RNF10: variants seen among roughly 807,000 people sequenced by gnomAD.
RNF10 encodes the protein ring finger protein 10.
RNF10 carries 38 observed loss-of-function variants against 91.4 expected under a neutral mutation model. The observed-to-expected ratio is 0.42, with a 90% CI of 0.32 to 0.54. The LOEUF is 0.54. Ranked by LOEUF, RNF10 falls within the 20% of genes least tolerant of loss-of-function variation. RNF10 has a pLI of 0.16. For missense variants in RNF10, 945 were observed against 1,012.0 expected (o/e 0.93, Z 0.90); for synonymous variants, 364 against 366.3 (o/e 0.99, Z 0.07).
intron 7 of RNF10, among the ~76,000 whole-genome samples, chr12:120,561,248 A>G (rs1383803663): frequency 6.6e-6 from 1 of 152,194 alleles, no homozygotes; most frequent in South Asian, 2.1e-4. Context: ...TTAAGATTCT[A>G]TTCTAGAGGT....
chr12:120,553,509 A>G (rs1195064942), intron 3 of RNF10, among the ~76,000 whole-genome samples: 2 of 147,356 alleles, frequency 1.4e-5, no homozygotes, highest in Non-Finnish European at 3.0e-5. Context: ...GCTTCATGCC[A>G]TTCTCCTGCC....
Position 120,563,957 on chromosome 12 carries a change from G to A in RNF10, c.1665+14G>A, listed in dbSNP as rs751707080. The A allele has an allele frequency of 6.2e-7, 1 of 1,614,072 alleles. No individual in the cohort carries two copies. The highest frequency in any genetic ancestry group is 1.7e-5 in the Admixed American group (1 of 60,016). On this transcript the variant is annotated intron_variant, in intron 10 of 16. Coordinates refer to ENST00000325954, the MANE Select transcript of RNF10 (RefSeq NM_014868.5). ...TCCATGTCTGAGGTGAGGCCTTCCTGTAGAAATGGAGGGTCAGGCAGCAGT... is the reference window on the plus strand; with the variant it reads ...TCCATGTCTGAGGTGAGGCCTTCCTATAGAAATGGAGGGTCAGGCAGCAGT...
chr12:120,557,748 T>TA, intron 6 of RNF10, 66 bp downstream of exon 6: 5 of 1,558,642 alleles, frequency 3.2e-6, no homozygotes, highest in Non-Finnish European at 4.4e-6. Flanking sequence ...TGAATATATC[T>TA]AAGCATCAGA....
intron 2 of RNF10, among the ~76,000 whole-genome samples, chr12:120,551,650 A>G (rs1266151644): frequency 1.4e-5 from 2 of 146,432 alleles, no homozygotes; most frequent in Non-Finnish European, 3.0e-5. Context: ...TAGACACAGA[A>G]TCTCACCCTG....
intron 1 of RNF10, among the ~76,000 whole-genome samples, chr12:120,543,953 C>T (rs1277287709): frequency 6.6e-6 from 1 of 152,106 alleles, no homozygotes; most frequent in Non-Finnish European, 1.5e-5. Flanking sequence ...ACATGCTGGG[C>T]ATGGTGGCTC....
chr12:120,562,972 G>A lies in RNF10; in HGVS notation c.1156G>A (p.Ala386Thr). The change falls in exon 8 of 17, where the codon GCC becomes ACC. Residue 386 changes from alanine to threonine, a missense_variant. By Grantham distance (58) the Ala-to-Thr change is moderately conservative. Transcript: ENST00000325954. Reference protein sequence around the residue: ...KTREEALSGLAGSRREVTGVV... With the variant: ...KTREEALSGLTGSRREVTGVV... ...TCGGGAAGAGGCTCTGTCGGGATTG[G>A]CCGGAAGCAGAAGGGAGGTCACTGG... is the stretch of plus-strand genomic sequence containing the variant. 1.9e-6 allele frequency: 3 copies of A among 1,614,078 alleles called. No homozygotes were observed. The highest frequency in any genetic ancestry group is 2.5e-6 in the Non-Finnish European group (3 of 1,179,976).
At chr12:120,556,281 T>C (rs1417736696) in intron 4 of RNF10, among the ~76,000 whole-genome samples, 5 of 151,714 alleles carry the variant, frequency 3.3e-5, no homozygotes, top group Non-Finnish European at 7.4e-5. Flanking sequence ...ACGCCTATAA[T>C]CCCAGCACTT....
At chr12:120,539,776 G>C (rs184499256) in intron 1 of RNF10, among the ~76,000 whole-genome samples, 151 of 152,064 alleles carry the variant, frequency 9.9e-4, no homozygotes, top group African/African-American at 3.3e-3. Flanking sequence ...TTTGGAATGT[G>C]TCTTGACAGT....
chr12:120,576,071 A>C (rs1359358548), intron 16 of RNF10, 121 bp downstream of exon 16: 5 of 995,412 alleles, frequency 5.0e-6, no homozygotes, highest in Non-Finnish European at 7.7e-6. Context: ...ACCCTTCAGC[A>C]CACTCTAGTG....
chr12:120,551,143 G>C (rs1164721960), intron 2 of RNF10, among the ~76,000 whole-genome samples: 2 of 151,484 alleles, frequency 1.3e-5, no homozygotes, highest in Non-Finnish European at 2.9e-5. Context: ...GCATCACTAA[G>C]CCTGGCTAAT....
chr12:120,562,267 C>T (rs370024005), intron 7 of RNF10, among the ~76,000 whole-genome samples: 10 of 102,206 alleles, frequency 9.8e-5, no homozygotes, highest in Admixed American at 2.6e-4. Flanking sequence ...CTTTTTCTTT[C>T]TTTCTTTTTT....
chr12:120,536,412 A>AG (rs1870806672), intron 1 of RNF10, among the ~76,000 whole-genome samples: 1 of 152,158 alleles, frequency 6.6e-6, no homozygotes, highest in Admixed American at 6.6e-5. Flanking sequence ...TGGGTAACAG[A>AG]GACCCCCATC....
intron 13 of RNF10, among the ~76,000 whole-genome samples, chr12:120,570,980 C>T (rs573514251): frequency 5.9e-5 from 9 of 152,168 alleles, no homozygotes; most frequent in African/African-American, 2.2e-4. Context: ...GAAGCTCTTC[C>T]CTCTTCCTGT....
At chr12:120,537,638 G>A (rs905884931) in intron 1 of RNF10, among the ~76,000 whole-genome samples, 3 of 152,090 alleles carry the variant, frequency 2.0e-5, no homozygotes, top group Non-Finnish European at 2.9e-5. Context: ...AAGGCCCTTT[G>A]TTAGATTTTA....
rs1874190432 is a variant in RNF10, at chr12:120,557,283, G to A, written c.647G>A (p.Arg216His). ...LVNWDFVEQVRICSHEVPSCP... is the reference protein window; with the variant it reads ...LVNWDFVEQVHICSHEVPSCP... ...CCTTCTGGTGGCATTTTGTTTCAGC[G>A]CATTTGTAGCCATGAAGTGCCATCT... Residue 216 changes from arginine to histidine, a missense_variant and splice_region_variant, in exon 5 of 17, where the codon CGC becomes CAC. By Grantham distance (29) the Arg-to-His change is conservative. Coordinates refer to ENST00000325954, the MANE Select transcript of RNF10 (RefSeq NM_014868.5). 1.2e-5 allele frequency: 19 copies of A among 1,613,574 alleles called. No individual in the cohort carries two copies. The highest frequency in any genetic ancestry group is 1.4e-5 in the Non-Finnish European group (17 of 1,179,692).
At chr12:120,573,491 TTAAGAG>T (rs1357521580) in intron 14 of RNF10, among the ~76,000 whole-genome samples, 2 of 152,198 alleles carry the variant, frequency 1.3e-5, no homozygotes, top group African/African-American at 2.4e-5. Flanking sequence ...TGATTACCTT[TTAAGAG>T]TAAAACAATT....
rs146802529 is a variant in RNF10, at chr12:120,546,418, C to T, written c.171C>T (p.Ser57=). 3.4e-5 allele frequency: 55 copies of T among 1,610,448 alleles called. No homozygotes were observed. In the African/African-American group the frequency reaches 7.0e-4, roughly 20 times the overall value. Residue 57 remains serine (S), a synonymous_variant, in exon 2 of 17, where the codon TCC becomes TCT. Transcript: ENST00000325954. ...TCTTGCTTTCAGATGGAAAGAACTC[C>T]AGTGGATCCAAGCGTTATAATCGCA... ...ESKPKSDGKN[S]SGSKRYNRKR...
intron 13 of RNF10, 29 bp downstream of exon 13, chr12:120,567,009 C>T (rs1433939298): frequency 3.1e-6 from 5 of 1,591,702 alleles, no homozygotes; most frequent in Non-Finnish European, 4.3e-6. Flanking sequence ...ATGAATTCAC[C>T]CATCAGTTAG....
intron 14 of RNF10, among the ~76,000 whole-genome samples, chr12:120,573,768 C>T (rs747226884): frequency 3.3e-5 from 5 of 152,050 alleles, no homozygotes; most frequent in African/African-American, 9.7e-5. Flanking sequence ...TTTAAACAAC[C>T]GTGTTCCTGT....
Sources: gnomAD v4.1 joint callset for allele counts (sites outside exome capture counted in the v4.1 genomes callset) on GRCh38, gnomAD v4.1.1 for gene constraint, MANE v1.5 for transcripts, NCBI Gene and HGNC (gene_info 2026-07-23, HGNC 2026-07-21) for gene names.